The following SRRM3 variants were observed in gnomAD, a reference collection of about 807,000 sequenced individuals.
SRRM3 encodes serine/arginine repetitive matrix 3.
Under a neutral mutation model 66.2 loss-of-function variants are expected in SRRM3, and 27 were observed. The observed-to-expected ratio is 0.41, with a 90% confidence interval of 0.30 to 0.56. The LOEUF (loss-of-function observed/expected upper bound fraction) is 0.56. Ranked by LOEUF, SRRM3 falls within the 20% of genes least tolerant of loss-of-function variation. SRRM3 has a pLI of 0.32. For missense variants in SRRM3, 918 were observed against 991.9 expected (o/e 0.93, Z 1.00); for synonymous variants, 391 against 414.9 (o/e 0.94, Z 0.70).
At chr7:76,264,872 ACTACGC>A in intron 9 of SRRM3, 57 bp downstream of exon 9, 1 of 1,568,930 alleles carries the variant, frequency 6.4e-7, no homozygotes, top group Non-Finnish European at 8.7e-7. Flanking sequence ...GCCCCAGCAA[ACTACGC>A]CTTTTAGAAT....
rs573480148 is a variant in SRRM3, at chr7:76,237,818, G to A, written c.233+2519G>A. ...CCTCTTCTCTGTACTTTCCCATCCT[G>A]AAAGCCCTCCCCCTCAAAGACCTTC... On this transcript the variant is annotated intron_variant, in intron 2 of 14. Transcript: ENST00000611745. Among the ~76,000 whole-genome samples the A allele has an allele frequency of 6.6e-5, 10 of 151,584 alleles. No homozygotes were observed. The East Asian group carries it at 1.8e-3, about 27-fold the overall frequency.
chr7:76,261,548 C>G lies in SRRM3; in HGVS notation c.641C>G (p.Ser214Cys), dbSNP rs191620157. The change falls in exon 8 of 15, where the codon TCT becomes TGT. Residue 214 changes from serine (S) to cysteine (C), a missense_variant and splice_region_variant. Coordinates refer to ENST00000611745, the MANE Select transcript of SRRM3 (RefSeq NM_001110199.3). Reference sequence around the variant, plus strand: ...AGAACTCCTTTATCGCCCTACAGGTCTGATTCTGGGTCCCGGAGGAAGAGA... The same window carrying G: ...AGAACTCCTTTATCGCCCTACAGGTGTGATTCTGGGTCCCGGAGGAAGAGA... ...KSVKKHRRDR[S>C]DSGSRRKRRH... is the part of the protein sequence containing the mutation. 1.2e-6 allele frequency: 2 copies of G among 1,611,960 alleles called. No individual in the cohort carries two copies. Among genetic ancestry groups the G allele is most frequent in the African/African-American group, 2.7e-5 (2 of 74,988 alleles).
chr7:76,282,659 G>C lies in SRRM3; in HGVS notation c.1382G>C (p.Arg461Pro), dbSNP rs1259551420. ...TCTCCCTCCTCCAGGGCCAAGGAGC[G>C]GCCCCCGCGCGCGCGGCCCGCCAGC... is the stretch of plus-strand genomic sequence containing the variant. Reference protein sequence around the residue: ...HGGHGKRAKERPPRARPASTS... With the variant: ...HGGHGKRAKEPPPRARPASTS... Residue 461 changes from arginine (R) to proline (P), a missense_variant, in exon 13 of 15, where the codon CGG (arginine) becomes CCG (proline). Transcript: ENST00000611745. The C allele has an allele frequency of 1.2e-5, 17 of 1,400,656 alleles. No homozygotes were observed. Among genetic ancestry groups the C allele is most frequent in the Admixed American group, 6.1e-5 (2 of 32,798 alleles). 86.8% of individuals were successfully genotyped at this position (1,400,656 alleles called of 1,614,324 possible). A position where few individuals can be genotyped will look rare whatever the true frequency, so the allele number is the denominator to read the frequency against.
At chr7:76,212,395 G>C (rs938599527) in intron 1 of SRRM3, among the ~76,000 whole-genome samples, 1 of 148,944 alleles carries the variant, frequency 6.7e-6, no homozygotes, top group African/African-American at 2.5e-5. Context: ...GGCCTCAACT[G>C]ATCCTCCCAC....
At chr7:76,258,794 C>T (rs565832289) in intron 3 of SRRM3, among the ~76,000 whole-genome samples, 2 of 150,326 alleles carry the variant, frequency 1.3e-5, no homozygotes, top group Non-Finnish European at 3.0e-5. Flanking sequence ...CGGTGGCTCA[C>T]GCCTGTAATC....
chr7:76,280,922 T>G (rs1554611764), intron 11 of SRRM3, among the ~76,000 whole-genome samples: 1 of 149,950 alleles, frequency 6.7e-6, no homozygotes, highest in Non-Finnish European at 1.5e-5. Context: ...TCTCTTCCTC[T>G]CTCTCTCTTC....
chr7:76,270,815 GAAA>G, intron 11 of SRRM3, among the ~76,000 whole-genome samples: 1 of 135,820 alleles, frequency 7.4e-6, no homozygotes, highest in Non-Finnish European at 1.6e-5. Flanking sequence ...CTCCGTCTCG[GAAA>G]AAAAAAAAAA....
At chr7:76,209,235 A>G (rs1174906528) in intron 1 of SRRM3, among the ~76,000 whole-genome samples, 1 of 152,218 alleles carries the variant, frequency 6.6e-6, no homozygotes, top group Non-Finnish European at 1.5e-5. Flanking sequence ...GCCCGAGGAC[A>G]CAGAGGTGAA....
Position 76,257,398 on chromosome 7 carries a change from C to T in SRRM3, c.336-2508C>T, listed in dbSNP as rs560429311. ...AAAAAATGGAAGGTCGGGGCCACCC[C>T]CCTAGAGACAGGTCTCTGGAGGGTC... is the stretch of plus-strand genomic sequence containing the variant. On this transcript the variant is annotated intron_variant, in intron 3 of 14. Transcript: ENST00000611745. Among the ~76,000 whole-genome samples the T allele has an allele frequency of 3.3e-5, 5 of 150,600 alleles. No homozygotes were observed. In the South Asian group the frequency reaches 6.4e-4, roughly 19 times the overall value.
intron 2 of SRRM3, among the ~76,000 whole-genome samples, chr7:76,239,570 GCACATGC>G (rs1801231897): frequency 6.6e-6 from 1 of 152,080 alleles, no homozygotes; most frequent in Admixed American, 6.6e-5. Context: ...AGGTGTGGTG[GCACATGC>G]CTGTGGTCCC....
chr7:76,209,540 C>T (rs1554601517), intron 1 of SRRM3, among the ~76,000 whole-genome samples: 3 of 151,660 alleles, frequency 2.0e-5, no homozygotes, highest in African/African-American at 7.3e-5. Context: ...GGTCATAGGA[C>T]AGGACAGAGG....
Position 76,286,180 on chromosome 7 carries a change from G to A in SRRM3, c.*337G>A, listed in dbSNP as rs186084023. ...GGCTTGGGACTGCTGCCGGTGGATG[G>A]TACCAGAGTCCATGATCTGCTCTGT... On this transcript the variant is annotated 3_prime_UTR_variant, in exon 15 of 15. Transcript: ENST00000611745. 2.5e-5 allele frequency: 10 copies of A among 401,226 alleles called. No homozygotes were observed. In the Admixed American group the frequency reaches 4.3e-4, roughly 17 times the overall value. 24.9% of individuals were successfully genotyped at this position (401,226 alleles called of 1,614,324 possible). A position where few individuals can be genotyped will look rare whatever the true frequency, so the allele number is the denominator to read the frequency against.
intron 5 of SRRM3, among the ~76,000 whole-genome samples, chr7:76,260,652 C>T (rs1313866500): frequency 6.6e-6 from 1 of 151,862 alleles, no homozygotes; most frequent in African/African-American, 2.4e-5. Flanking sequence ...CTGACCGGGC[C>T]CGTGTGTTAC....
chr7:76,226,180 T>G (rs183572261), intron 1 of SRRM3, among the ~76,000 whole-genome samples: 3 of 152,344 alleles, frequency 2.0e-5, no homozygotes, highest in African/African-American at 7.2e-5. Context: ...ACAGATGAGC[T>G]GTTTCACCTT....
chr7:76,206,092 T>C (rs116632594), intron 1 of SRRM3, among the ~76,000 whole-genome samples: 3,277 of 152,132 alleles, frequency 0.022, 107 homozygotes, highest in African/African-American at 0.073. Flanking sequence ...ACTGCAGCCT[T>C]GACCTCCTGG....
At chr7:76,224,894 G>T (rs190164444) in intron 1 of SRRM3, among the ~76,000 whole-genome samples, 4 of 152,032 alleles carry the variant, frequency 2.6e-5, no homozygotes, top group Non-Finnish European at 4.4e-5. Flanking sequence ...CACATCAAAG[G>T]CTCGTCTTGA....
At chr7:76,213,965 G>C (rs891053031) in intron 1 of SRRM3, among the ~76,000 whole-genome samples, 54 of 151,660 alleles carry the variant, frequency 3.6e-4, no homozygotes, top group African/African-American at 1.2e-3. Context: ...TAGTAGAGAT[G>C]GGGGGGTCTC....
At chr7:76,249,505 C>G (rs924946473) in intron 3 of SRRM3, among the ~76,000 whole-genome samples, 3 of 152,308 alleles carry the variant, frequency 2.0e-5, no homozygotes, top group Non-Finnish European at 4.4e-5. Context: ...CAAGTTATAG[C>G]AAGGCAAATA....
At chr7:76,224,174 G>A (rs1294745090) in intron 1 of SRRM3, among the ~76,000 whole-genome samples, 2 of 139,288 alleles carry the variant, frequency 1.4e-5, no homozygotes, top group Non-Finnish European at 3.1e-5. Flanking sequence ...TCCGCTCCTG[G>A]GTTCAAGCGA....
Sources: allele counts gnomAD v4.1 joint callset (sites outside exome capture counted in the v4.1 genomes callset), GRCh38; gene constraint gnomAD v4.1.1; transcripts MANE v1.5; gene names NCBI Gene and HGNC (gene_info 2026-07-23, HGNC 2026-07-21).